MBD5: variants seen among roughly 807,000 people sequenced by gnomAD.
MBD5 encodes methyl-CpG-binding domain protein 5.
Under a neutral mutation model 117.3 loss-of-function variants are expected in MBD5, and 13 were observed. The ratio of observed to expected loss-of-function variants is 0.11; its 90% CI spans 0.07 to 0.18. The LOEUF (loss-of-function observed/expected upper bound fraction) is 0.18, where lower values mean the gene tolerates loss of function less well. Ranked by LOEUF, MBD5 falls within the 10% of genes least tolerant of loss-of-function variation. The probability of loss-of-function intolerance (pLI) is 1.00; values close to 1 mark genes in which losing one functional copy is unlikely to be tolerated. For missense variants in MBD5, 1,879 were observed against 2,093.8 expected, an observed-to-expected ratio of 0.90 and a Z score of 2.00; for synonymous variants, 727 against 766.4, an observed-to-expected ratio of 0.95 and a Z score of 0.85.
At chr2:148,092,813 TAA>T (rs35292744) in intron 1 of MBD5, among the ~76,000 whole-genome samples, 71,791 of 149,150 alleles carry the variant, frequency 0.48, 17,362 homozygotes, top group African/African-American at 0.55. Flanking sequence ...CTTTTGAAAT[TAA>T]AAAAAAAAAA....
chr2:148,153,959 C>A (rs1395593567), intron 1 of MBD5, among the ~76,000 whole-genome samples: 1 of 126,172 alleles, frequency 7.9e-6, no homozygotes, highest in Non-Finnish European at 1.7e-5. Context: ...CATTCTCCAT[C>A]CAGCTTTGTT....
chr2:148,458,795 G>A lies in MBD5; in HGVS notation c.37G>A (p.Glu13Lys). 1 of 1,613,658 alleles carries A rather than the reference G, an allele frequency of 6.2e-7. No individual in the cohort carries two copies. The highest frequency in any genetic ancestry group is 8.5e-7 in the Non-Finnish European group (1 of 1,179,682). ...GGKECDGGDK[E>K]GGLPAIQVPV... The stretch of plus-strand genomic sequence containing the variant: ...CAAAGAGTGTGACGGAGGGGACAAG[G>A]AAGGAGGTCTTCCAGCTATACAAGT... The change falls in exon 5 of 14, where the codon GAA (glutamate) becomes AAA (lysine). Residue 13 changes from glutamate to lysine, a missense_variant. Physicochemically the swap from Glu to Lys is moderately conservative, Grantham distance 56. Coordinates refer to ENST00000642680, the MANE Select transcript of MBD5 (RefSeq NM_001378120.1).
At chr2:148,400,021 A>C (rs2105076697) in intron 4 of MBD5, among the ~76,000 whole-genome samples, 1 of 152,180 alleles carries the variant, frequency 6.6e-6, no homozygotes, top group South Asian at 2.1e-4. Flanking sequence ...ATCATGGTGG[A>C]TAAGCTTTTT....
At chr2:148,128,707 G>A (rs1472324271) in intron 1 of MBD5, among the ~76,000 whole-genome samples, 1 of 152,154 alleles carries the variant, frequency 6.6e-6, no homozygotes. Flanking sequence ...AAGAAAGCAT[G>A]TCAGAATGCA....
chr2:148,470,379 T>A lies in MBD5; in HGVS notation c.2436T>A (p.Pro812=). 1 of 1,613,566 alleles carries A rather than the reference T, an allele frequency of 6.2e-7. No individual in the cohort carries two copies. The highest frequency in any genetic ancestry group is 8.5e-7 in the Non-Finnish European group (1 of 1,179,688). The change falls in exon 8 of 14, where the codon CCT becomes CCA. Residue 812 remains proline (P), a synonymous_variant. Coordinates refer to ENST00000642680, the MANE Select transcript of MBD5 (RefSeq NM_001378120.1). ...GAAATTCCTTACATCCCAATCCACC[T>A]CAGTCAAGAATTTCAACGTCCTCCA... is the stretch of plus-strand genomic sequence containing the variant. The part of the protein sequence containing the change: ...ALGNSLHPNP[P]QSRISTSSTP...
intron 3 of MBD5, among the ~76,000 whole-genome samples, chr2:148,286,543 A>G (rs937185966): frequency 6.6e-6 from 1 of 152,200 alleles, no homozygotes; most frequent in Non-Finnish European, 1.5e-5. Context: ...CATTTTATAA[A>G]CAAAGATTGC....
intron 1 of MBD5, chr2:148,062,418 T>A (rs1274185880): frequency 6.6e-6 from 1 of 151,906 alleles, no homozygotes; most frequent in Non-Finnish European, 1.5e-5. Flanking sequence ...ATAGTATAAA[T>A]GAAGTTGCAT....
chr2:148,043,309 C>T (rs925988844), intron 1 of MBD5, among the ~76,000 whole-genome samples: 1 of 151,196 alleles, frequency 6.6e-6, no homozygotes. Context: ...ATAAATTAGC[C>T]GGGCATGGTA....
At chr2:148,173,320 G>T (rs1033873604) in intron 1 of MBD5, among the ~76,000 whole-genome samples, 6 of 152,180 alleles carry the variant, frequency 3.9e-5, no homozygotes, top group African/African-American at 1.4e-4. Flanking sequence ...GGTATGCCTG[G>T]TCCAGCCATA....
intron 1 of MBD5, among the ~76,000 whole-genome samples, chr2:148,104,853 TACTC>T (rs1454877568): frequency 6.6e-6 from 1 of 152,170 alleles, no homozygotes; most frequent in Non-Finnish European, 1.5e-5. Flanking sequence ...TAAAAAGTAA[TACTC>T]AAATAATAAG....
At chr2:148,056,492 A>G (rs895404464) in intron 1 of MBD5, among the ~76,000 whole-genome samples, 1 of 152,002 alleles carries the variant, frequency 6.6e-6, no homozygotes, top group African/African-American at 2.4e-5. Flanking sequence ...AGACAGCTCA[A>G]ATTTTTGTAT....
intron 3 of MBD5, among the ~76,000 whole-genome samples, chr2:148,243,013 T>C (rs1213161596): frequency 6.6e-6 from 1 of 152,176 alleles, no homozygotes; most frequent in African/African-American, 2.4e-5. Flanking sequence ...GTAAGCATTA[T>C]TACAGTTGCC....
chr2:148,102,729 C>CAG (rs70992193), intron 1 of MBD5, among the ~76,000 whole-genome samples: 32 of 102,654 alleles, frequency 3.1e-4, no homozygotes, highest in African/African-American at 1.2e-3. Context: ...CACACACACA[C>CAG]AGAGAGAGAG....
At chr2:148,134,786 T>G (rs1375859) in intron 1 of MBD5, among the ~76,000 whole-genome samples, 66,454 of 152,040 alleles carry the variant, frequency 0.44, 14,686 homozygotes, top group South Asian at 0.51. Context: ...GAATACCCAG[T>G]CACAATTCTT....
chr2:148,477,632 GAGAAAATTTA>G (rs1681012848), intron 8 of MBD5, among the ~76,000 whole-genome samples: 1 of 151,866 alleles, frequency 6.6e-6, no homozygotes, highest in Non-Finnish European at 1.5e-5. Flanking sequence ...AAATATAGAG[GAGAAAATTTA>G]CTATTTCAAT....
chr2:148,053,386 T>G (rs1694773422), intron 1 of MBD5, among the ~76,000 whole-genome samples: 1 of 152,102 alleles, frequency 6.6e-6, no homozygotes, highest in African/African-American at 2.4e-5. Flanking sequence ...ATACACAACA[T>G]GGTAAATTTT....
Position 148,489,475 on chromosome 2 carries a change from A to G in MBD5, c.3843A>G (p.Thr1281=). ...CACTTCCTGAGAATCCAAACACTACACTTCCACCTTTTCAAGATACACCTT... is the reference window on the plus strand; with the variant it reads ...CACTTCCTGAGAATCCAAACACTACGCTTCCACCTTTTCAAGATACACCTT... ...LTALPENPNT[T]LPPFQDTPCE... is the part of the protein sequence containing the mutation. The change falls in exon 11 of 14, where the codon ACA becomes ACG. Residue 1281 remains threonine (T), a synonymous_variant. Coordinates refer to ENST00000642680, the MANE Select transcript of MBD5 (RefSeq NM_001378120.1). The G allele has an allele frequency of 6.2e-7, 1 of 1,614,118 alleles. No individual in the cohort carries two copies. The highest frequency in any genetic ancestry group is 8.5e-7 in the Non-Finnish European group (1 of 1,180,020).
intron 5 of MBD5, among the ~76,000 whole-genome samples, chr2:148,459,201 ACT>A (rs1706982264): frequency 1.3e-5 from 2 of 152,236 alleles, no homozygotes; most frequent in South Asian, 4.1e-4. Context: ...TGACAGAATT[ACT>A]CTGTCCTTCA....
At chr2:148,182,955 T>C (rs1698563826) in intron 2 of MBD5, among the ~76,000 whole-genome samples, 1 of 152,220 alleles carries the variant, frequency 6.6e-6, no homozygotes, top group Non-Finnish European at 1.5e-5. Context: ...ATCTGCCTGG[T>C]CTTGCTTCAG....
Sources: allele counts gnomAD v4.1 joint callset (sites outside exome capture counted in the v4.1 genomes callset), GRCh38; gene constraint gnomAD v4.1.1; transcripts MANE v1.5; gene names NCBI Gene and HGNC (gene_info 2026-07-23, HGNC 2026-07-21).